The following ZNF569 variants were observed in gnomAD, a reference collection of about 807,000 sequenced individuals.
ZNF569 encodes the protein DNA-binding protein.
Under a neutral mutation model 56.3 loss-of-function variants are expected in ZNF569, and 38 were observed. The ratio of observed to expected loss-of-function variants is 0.68; its 90% CI spans 0.52 to 0.88. The LOEUF is 0.88. ZNF569 is among the 40% of genes least tolerant of loss of function. ZNF569 has a pLI of 0.00. For missense variants in ZNF569, 666 were observed against 809.2 expected (o/e 0.82, Z 2.15); for synonymous variants, 241 against 262.9 (o/e 0.92, Z 0.81).
chr19:37,436,731 A>G (rs542619240), intron 3 of ZNF569, among the ~76,000 whole-genome samples: 9 of 152,174 alleles, frequency 5.9e-5, no homozygotes, highest in African/African-American at 1.2e-4. Context: ...GAAGAAATAG[A>G]TAAATTCCTA....
At chr19:37,437,667 G>A (rs1167543328) in intron 3 of ZNF569, among the ~76,000 whole-genome samples, 1 of 152,002 alleles carries the variant, frequency 6.6e-6, no homozygotes, top group Non-Finnish European at 1.5e-5. Context: ...AAAATCAATA[G>A]CATTTCTATA....
chr19:37,425,773 A>G (rs2041120736), intron 5 of ZNF569, 95 bp downstream of exon 5: 1 of 1,066,422 alleles, frequency 9.4e-7, no homozygotes, highest in Non-Finnish European at 1.4e-6. Flanking sequence ...CTCTGAAAAT[A>G]TCTTTGAAGA....
upstream of ZNF569, chr19:37,468,101 TTGAGGCAGAGCCTCACTTTG>T (rs935666784): frequency 1.5e-6 from 1 of 668,326 alleles, no homozygotes; most frequent in African/African-American, 1.8e-5. Flanking sequence ...TTTGTTTTTT[TTGAGGCAGAGCCTCACTTTG>T]TTGCCCAGGC....
At chr19:37,466,372 G>A (rs2041835814) in intron 1 of ZNF569, among the ~76,000 whole-genome samples, 1 of 152,208 alleles carries the variant, frequency 6.6e-6, no homozygotes, top group Non-Finnish European at 1.5e-5. Flanking sequence ...GCTTACGACT[G>A]TAATCTCAGC....
intron 4 of ZNF569, 104 bp from the exon 5 acceptor site, chr19:37,426,067 T>C (rs1429525905): frequency 1.4e-6 from 2 of 1,389,124 alleles, no homozygotes; most frequent in Non-Finnish European, 2.0e-6. Context: ...GACAAGAAAA[T>C]GTGGCTTCGG....
intron 3 of ZNF569, among the ~76,000 whole-genome samples, chr19:37,430,001 T>C (rs1220306772): frequency 6.6e-6 from 1 of 152,156 alleles, no homozygotes; most frequent in Non-Finnish European, 1.5e-5. Context: ...AAGATCAGCC[T>C]GGGCAAGATG....
rs1326684079 is a variant in ZNF569, at chr19:37,437,803, T to G, written c.15+7104A>C. On this transcript the variant is annotated intron_variant, in intron 3 of 5. Coordinates refer to ENST00000316950, the MANE Select transcript of ZNF569 (RefSeq NM_152484.3). ...TACAATGAAAATTATAAAGCACTGA[T>G]GAAAAAAATTGAAGAGGACACACAC... is the stretch of plus-strand genomic sequence containing the variant. 2.0e-5 allele frequency among the ~76,000 whole-genome samples: 3 copies of G among 148,822 alleles called. No homozygotes were observed. The Admixed American group carries it at 2.0e-4, about 10-fold the overall frequency.
At chr19:37,424,181 A>G (rs960752354) in intron 5 of ZNF569, among the ~76,000 whole-genome samples, 1 of 152,202 alleles carries the variant, frequency 6.6e-6, no homozygotes, top group Non-Finnish European at 1.5e-5. Flanking sequence ...AGTGGGAAGT[A>G]TGACTGTACG....
intron 3 of ZNF569, among the ~76,000 whole-genome samples, chr19:37,432,422 CTA>C (rs774294573): frequency 6.6e-6 from 1 of 152,218 alleles, no homozygotes; most frequent in Non-Finnish European, 1.5e-5. Flanking sequence ...GGTGGTACCT[CTA>C]TGATTCTGTA....
intron 2 of ZNF569, among the ~76,000 whole-genome samples, chr19:37,446,335 G>T (rs961342370): frequency 6.6e-6 from 1 of 152,038 alleles, no homozygotes; most frequent in South Asian, 2.1e-4. Flanking sequence ...GGATCACGAG[G>T]TCAGGAGATT....
At chr19:37,438,683 G>A (rs1361978619) in intron 3 of ZNF569, among the ~76,000 whole-genome samples, 1 of 152,168 alleles carries the variant, frequency 6.6e-6, no homozygotes, top group Non-Finnish European at 1.5e-5. Context: ...CTAGGATAAT[G>A]GACTGGGCAA....
chr19:37,437,964 A>G (rs929027912), intron 3 of ZNF569, among the ~76,000 whole-genome samples: 1 of 152,218 alleles, frequency 6.6e-6, no homozygotes, highest in Non-Finnish European at 1.5e-5. Context: ...CAGAAATAGG[A>G]AAAAATGCTA....
intron 1 of ZNF569, 81 bp downstream of exon 1, chr19:37,467,003 G>C (rs916047664): frequency 1.3e-5 from 2 of 152,582 alleles, no homozygotes; most frequent in African/African-American, 4.8e-5. Flanking sequence ...CCAAAGATTG[G>C]GGCACCAGGA....
At chr19:37,426,063 A>C in intron 4 of ZNF569, 100 bp from the exon 5 acceptor site, 1 of 1,402,626 alleles carries the variant, frequency 7.1e-7, no homozygotes. Context: ...AAAGGACAAG[A>C]AAATGTGGCT....
rs374421337 is a variant in ZNF569 at position 37,411,612 on chromosome 19, T to C, written c.*985A>G. The C allele has an allele frequency of 3.9e-5, 6 of 152,314 alleles. No homozygotes were observed. In the East Asian group the frequency reaches 9.6e-4, roughly 24 times the overall value. The allele number at this position is 152,314 out of a possible 1,614,324, so 9.4% of individuals were successfully genotyped here. ...GTTTACATGTTTTTTAAAGAAATCTTGTTACCCTAAAGTAACGGATTCTAC... is the reference window on the plus strand; with the variant it reads ...GTTTACATGTTTTTTAAAGAAATCTCGTTACCCTAAAGTAACGGATTCTAC... On this transcript the variant is annotated 3_prime_UTR_variant, in exon 6 of 6. Transcript: ENST00000316950.
At chr19:37,449,932 G>A (rs941034562) in intron 2 of ZNF569, among the ~76,000 whole-genome samples, 13 of 152,016 alleles carry the variant, frequency 8.6e-5, no homozygotes, top group African/African-American at 2.7e-4. Context: ...TTGCTCCTTT[G>A]TTCTTTTTCG....
intron 3 of ZNF569, among the ~76,000 whole-genome samples, chr19:37,433,079 T>C (rs1405771470): frequency 6.6e-6 from 1 of 151,898 alleles, no homozygotes; most frequent in Non-Finnish European, 1.5e-5. Context: ...AAGTTTTTAA[T>C]GTTTTTGTAG....
chr19:37,438,935 G>A (rs942784072), intron 3 of ZNF569, among the ~76,000 whole-genome samples: 18 of 152,020 alleles, frequency 1.2e-4, no homozygotes, highest in African/African-American at 4.4e-4. Flanking sequence ...TTTAAAAAGG[G>A]GGAAAGATCT....
intron 3 of ZNF569, among the ~76,000 whole-genome samples, chr19:37,437,214 G>A (rs1351389947): frequency 1.3e-5 from 2 of 152,068 alleles, no homozygotes; most frequent in Non-Finnish European, 2.9e-5. Context: ...CAGATCAAGA[G>A]AATGAAGGAC....
Sources: gnomAD v4.1 joint callset for allele counts (sites outside exome capture counted in the v4.1 genomes callset) on GRCh38, gnomAD v4.1.1 for gene constraint, MANE v1.5 for transcripts, NCBI Gene and HGNC (gene_info 2026-07-23, HGNC 2026-07-21) for gene names.